The following TTC27 variants were observed in gnomAD, a reference collection of about 807,000 sequenced individuals.
TTC27 encodes the protein tetratricopeptide repeat protein 27.
A neutral mutation model predicts 115.9 loss-of-function variants in TTC27; 79 were observed. The ratio of observed to expected loss-of-function variants is 0.68; its 90% CI spans 0.57 to 0.82. The LOEUF is 0.82. Ranked by LOEUF, TTC27 falls within the 40% of genes least tolerant of loss-of-function variation. The pLI is 0.00. For missense variants in TTC27, 1,054 were observed against 993.1 expected (o/e 1.06, Z -0.82); for synonymous variants, 401 against 356.0 (o/e 1.13, Z -1.42).
At chr2:32,721,334 T>C (rs183413464) in intron 10 of TTC27, among the ~76,000 whole-genome samples, 1 of 152,186 alleles carries the variant, frequency 6.6e-6, no homozygotes. Context: ...ATAAATTGGC[T>C]ATTATAACTG....
chr2:32,651,317 G>A (rs1018855772), intron 5 of TTC27, among the ~76,000 whole-genome samples: 1 of 152,120 alleles, frequency 6.6e-6, no homozygotes, highest in African/African-American at 2.4e-5. Context: ...TATAATATAA[G>A]GGGCTCTTGT....
At chr2:32,774,655 G>A (rs571022004) in intron 13 of TTC27, among the ~76,000 whole-genome samples, 3 of 152,182 alleles carry the variant, frequency 2.0e-5, no homozygotes, top group Non-Finnish European at 2.9e-5. Context: ...CTGTTCTTAA[G>A]AGTATGACTA....
chr2:32,731,359 G>C (rs892593143), intron 10 of TTC27, among the ~76,000 whole-genome samples: 1 of 152,090 alleles, frequency 6.6e-6, no homozygotes, highest in South Asian at 2.1e-4. Flanking sequence ...GATTACAGGC[G>C]TGAGCCACTG....
chr2:32,689,756 A>C (rs1457921533), intron 9 of TTC27, among the ~76,000 whole-genome samples: 2 of 152,190 alleles, frequency 1.3e-5, no homozygotes, highest in Non-Finnish European at 2.9e-5. Context: ...AGAAATAACA[A>C]ATAGAAAGAT....
intron 4 of TTC27, among the ~76,000 whole-genome samples, chr2:32,646,644 A>C (rs1172744782): frequency 6.7e-6 from 1 of 148,532 alleles, no homozygotes; most frequent in Non-Finnish European, 1.5e-5. Context: ...GCTCACTGCA[A>C]GCTCCACCTT....
chr2:32,654,510 T>A (rs1665244616), intron 5 of TTC27, among the ~76,000 whole-genome samples: 1 of 152,128 alleles, frequency 6.6e-6, no homozygotes, highest in Admixed American at 6.6e-5. Flanking sequence ...ATTAAGATGA[T>A]TAACAGGGTA....
intron 5 of TTC27, among the ~76,000 whole-genome samples, chr2:32,653,914 C>A (rs1332251432): frequency 2.6e-5 from 4 of 152,292 alleles, no homozygotes; most frequent in Admixed American, 2.6e-4. Context: ...CTTGAGTTAT[C>A]TATCTTCAAA....
chr2:32,789,040 C>G (rs1384751218), intron 16 of TTC27, among the ~76,000 whole-genome samples: 2 of 152,272 alleles, frequency 1.3e-5, no homozygotes, highest in East Asian at 1.9e-4. Flanking sequence ...CTGTCATAAG[C>G]TATGTCTAAC....
rs921955367 is a variant in TTC27, at chr2:32,700,135, G to C, written c.1120-2672G>C. ...CTGTTAAGGGTGAGTGTAAACGCTG[G>C]AGGAGGAGAGCTCCTGGAGGGGCCA... On this transcript the variant is annotated intron_variant, in intron 9 of 19. Transcript: ENST00000317907. 3.3e-5 allele frequency among the ~76,000 whole-genome samples: 5 copies of C among 152,210 alleles called. No individual in the cohort carries two copies. The East Asian group carries it at 9.6e-4, about 29-fold the overall frequency.
intron 16 of TTC27, among the ~76,000 whole-genome samples, chr2:32,795,882 A>G (rs1253194642): frequency 6.6e-6 from 1 of 151,916 alleles, no homozygotes; most frequent in Non-Finnish European, 1.5e-5. Flanking sequence ...CCCAGCCTGA[A>G]AGCTTCTTTT....
intron 10 of TTC27, among the ~76,000 whole-genome samples, chr2:32,720,892 A>T (rs973092773): frequency 1.3e-5 from 2 of 152,202 alleles, no homozygotes; most frequent in African/African-American, 4.8e-5. Flanking sequence ...GTATTTTCGC[A>T]TATCTTCTTC....
chr2:32,698,435 G>GTTATTATTATTATTATTATTA (rs372830080), intron 9 of TTC27, among the ~76,000 whole-genome samples: 3,573 of 145,434 alleles, frequency 0.025, 66 homozygotes, highest in South Asian at 0.072. Context: ...CAGCCATAAA[G>GTTATTATTATTATTATTATTA]TTATTATTAT....
intron 7 of TTC27, among the ~76,000 whole-genome samples, chr2:32,669,121 GT>G (rs1665911652): frequency 6.6e-6 from 1 of 152,004 alleles, no homozygotes; most frequent in African/African-American, 2.4e-5. Context: ...AATTTTACCT[GT>G]TTATCTATTT....
chr2:32,728,912 T>C (rs947655474), intron 10 of TTC27, among the ~76,000 whole-genome samples: 1 of 152,202 alleles, frequency 6.6e-6, no homozygotes. Flanking sequence ...ACAGCTGAAT[T>C]GACTGCAGAC....
chr2:32,658,831 A>T (rs969791175), intron 5 of TTC27, among the ~76,000 whole-genome samples: 5 of 152,220 alleles, frequency 3.3e-5, no homozygotes, highest in African/African-American at 1.2e-4. Context: ...CTGTTTTACT[A>T]GGTTATTATC....
At chr2:32,706,404 T>C (rs1332236000) in intron 10 of TTC27, among the ~76,000 whole-genome samples, 1 of 151,646 alleles carries the variant, frequency 6.6e-6, no homozygotes, top group Non-Finnish European at 1.5e-5. Flanking sequence ...TAATTTATTA[T>C]TGTGACAAAA....
rs189828128 is a variant in TTC27, at chr2:32,646,059, C to T, written c.538-4072C>T. ...AATTTTTTTTTTTGAGATGGAGTCT[C>T]GCTCTGTCGCCCAGGCTGGAGTGCA... is the stretch of plus-strand genomic sequence containing the variant. On this transcript the variant is annotated intron_variant, in intron 4 of 19. Coordinates refer to ENST00000317907, the MANE Select transcript of TTC27 (RefSeq NM_017735.5). 3.6e-3 allele frequency among the ~76,000 whole-genome samples: 440 copies of T among 123,522 alleles called. 1 individual carries two copies. The highest frequency in any genetic ancestry group is 0.01 in the African/African-American group (336 of 32,096). The allele number at this position is 123,522 out of a possible 152,430, so 81.0% of individuals were successfully genotyped here.
chr2:32,771,629 G>T (rs1177098891), intron 13 of TTC27, among the ~76,000 whole-genome samples: 6 of 152,152 alleles, frequency 3.9e-5, no homozygotes, highest in Admixed American at 3.9e-4. Context: ...TCAGGAAGCT[G>T]GTAGGTTAAG....
At chr2:32,665,194 C>T (rs903200222) in intron 6 of TTC27, among the ~76,000 whole-genome samples, 6 of 152,010 alleles carry the variant, frequency 3.9e-5, no homozygotes, top group Admixed American at 1.3e-4. Context: ...AAAATCCTTC[C>T]AATATATTAT....
Sources: gnomAD v4.1 joint callset for allele counts (sites outside exome capture counted in the v4.1 genomes callset) on GRCh38, gnomAD v4.1.1 for gene constraint, MANE v1.5 for transcripts, NCBI Gene and HGNC (gene_info 2026-07-23, HGNC 2026-07-21) for gene names.